The following DIDO1 variants were observed in gnomAD, a reference collection of about 807,000 sequenced individuals.
DIDO1 encodes death inducer-obliterator 1, also known as death-inducer obliterator 1.
DIDO1 carries 16 observed loss-of-function variants against 99.4 expected under a neutral mutation model. The ratio of observed to expected loss-of-function variants is 0.16; its 90% confidence interval spans 0.11 to 0.24. DIDO1 has a LOEUF of 0.24. Among genes scored for constraint, DIDO1 ranks in the 10% least tolerant of loss-of-function variants. The pLI is 1.00. For missense variants in DIDO1, 2,996 were observed against 3,014.0 expected (o/e 0.99, Z 0.14); for synonymous variants, 1,366 against 1,239.1 (o/e 1.10, Z -2.15).
Position 62,894,544 on chromosome 20 carries a change from T to C in DIDO1, c.2441A>G (p.Gln814Arg). ...DSPPVSDSEE[Q>R]QESARAVPEK... The stretch of plus-strand genomic sequence containing the variant: ...AGGGACAGCACGTGCTGACTCTTGC[T>C]GTTCCTAAAAAAGAAAAAGAAAAAA... Residue 814 changes from glutamine to arginine, a missense_variant, in exon 11 of 16, where the codon CAG becomes CGG. By Grantham distance (43) the Gln-to-Arg change is conservative. Around this residue, in one of 5 missense-constraint regions of DIDO1, gnomAD observed 898 missense variants for 972.7 expected, o/e 0.92. Coordinates refer to ENST00000395343, the MANE Select transcript of DIDO1 (RefSeq NM_001193369.2). This position sits in a 1 kb window ranked among gnomAD's most constrained non-coding sequence, Gnocchi z 4.4. 1 of 1,607,470 alleles carries C rather than the reference T, an allele frequency of 6.2e-7. No individual in the cohort carries two copies. Among genetic ancestry groups the C allele is most frequent in the Non-Finnish European group, 8.5e-7 (1 of 1,177,826 alleles).
At chr20:62,890,889 A>T in intron 15 of DIDO1, 71 bp downstream of exon 15, 1 of 1,611,796 alleles carries the variant, frequency 6.2e-7, no homozygotes, top group Non-Finnish European at 8.5e-7. Flanking sequence ...AGGACTCAGC[A>T]GGGCATGTCA....
chr20:62,882,037 C>T lies in DIDO1; in HGVS notation c.3919G>A (p.Ala1307Thr), dbSNP rs1209606108. Residue 1307 changes from alanine to threonine, a missense_variant, in exon 16 of 16, where the codon GCT (alanine) becomes ACT (threonine). By Grantham distance (58) the Ala-to-Thr change is moderately conservative. Transcript: ENST00000395343. ...TCCAGCGGTGATGCTGTTTTGGAAG[C>T]AGACGAAGCGGTGGAGGAAGCTGCC... ...STAASSTASS[A>T]SKTASPLEHI... 6.2e-7 allele frequency: 1 copy of T among 1,613,456 alleles called. No homozygotes were observed. The highest frequency in any genetic ancestry group is 1.7e-5 in the Admixed American group (1 of 60,002).
intron 6 of DIDO1, chr20:62,905,189 T>C (rs183077828): frequency 6.4e-6 from 7 of 1,094,774 alleles, no homozygotes; most frequent in Non-Finnish European, 6.7e-6. Context: ...GCCAGTCACA[T>C]GTAGAATACC....
chr20:62,884,124 C>T (rs958143734), intron 15 of DIDO1, among the ~76,000 whole-genome samples: 8 of 152,164 alleles, frequency 5.3e-5, no homozygotes, highest in Admixed American at 1.3e-4. Context: ...CGTAAAGCAC[C>T]GAGGTGCTCA....
At chr20:62,921,845 C>A in intron 1 of DIDO1, among the ~76,000 whole-genome samples, 1 of 150,118 alleles carries the variant, frequency 6.7e-6, no homozygotes, top group East Asian at 2.0e-4. Context: ...CTATATATAT[C>A]CACTACATAT....
intron 1 of DIDO1, among the ~76,000 whole-genome samples, chr20:62,916,449 A>C (rs368348401): frequency 4.6e-5 from 7 of 152,200 alleles, no homozygotes; most frequent in African/African-American, 1.4e-4. Context: ...TTGTCTCAAG[A>C]CACTTTTACA....
At chr20:62,893,520 A>T in intron 12 of DIDO1, 146 bp downstream of exon 12, 1 of 999,216 alleles carries the variant, frequency 1.0e-6, no homozygotes, top group Non-Finnish European at 1.4e-6. Context: ...AAGGCACCCT[A>T]CAACTGGGGC....
At position 62,894,495 on chromosome 20, in the gene DIDO1, G is replaced by A. The variant is rs779055361; in HGVS notation, c.2490C>T (p.Leu830=). The A allele has an allele frequency of 1.7e-5, 27 of 1,613,214 alleles. No individual in the cohort carries two copies. The highest frequency in any genetic ancestry group is 2.2e-5 in the South Asian group (2 of 91,062). ...AVPEKSTAPL[L]DVFSSMLKDT... The stretch of plus-strand genomic sequence containing the variant: ...CTTTCAACATGCTGCTGAAGACGTC[G>A]AGAAGCGGCGCTGTGCTCTTCTCAG... The change falls in exon 11 of 16, where the codon CTC becomes CTT. Residue 830 remains leucine (L), a synonymous_variant. Transcript: ENST00000395343. This position sits in a 1 kb window ranked among gnomAD's most constrained non-coding sequence, Gnocchi z 4.4.
In DIDO1 at chr20:62,894,320, C is replaced by T; in HGVS notation, c.2572+93G>A. 4.4e-6 allele frequency: 7 copies of T among 1,582,934 alleles called. No homozygotes were observed. Among genetic ancestry groups the T allele is most frequent in the Non-Finnish European group, 6.0e-6 (7 of 1,165,406 alleles). On this transcript the variant is annotated intron_variant, in intron 11 of 15. Transcript: ENST00000395343. This position sits in a 1 kb window ranked among gnomAD's most constrained non-coding sequence, Gnocchi z 4.4. The stretch of plus-strand genomic sequence containing the variant: ...ATTCTGGCCCTTCTGCGTGTTTAAG[C>T]TTACGTGCGGTTGCTTTTAGGAGGT...
chr20:62,886,567 A>G (rs1394975649), intron 15 of DIDO1, among the ~76,000 whole-genome samples: 5 of 152,152 alleles, frequency 3.3e-5, no homozygotes, highest in African/African-American at 1.2e-4. Flanking sequence ...GGCAAAGGGA[A>G]CCACCTGCTT....
Position 62,911,105 on chromosome 20 carries a change from T to G in DIDO1, c.508A>C (p.Arg170=). 6.2e-7 allele frequency: 1 copy of G among 1,614,056 alleles called. No individual in the cohort carries two copies. Among genetic ancestry groups the G allele is most frequent in the Non-Finnish European group, 8.5e-7 (1 of 1,180,036 alleles). ...TLKELQNRLR[R]KREQEPTERP... is the part of the protein sequence containing the mutation. ...TCAGTGGGCTCCTGTTCCCGCTTCC[T>G]GCGAAGGCGATTCTGAAGCTCTTTC... Residue 170 remains arginine, a synonymous_variant, in exon 3 of 16, where the codon AGG becomes CGG. Coordinates refer to ENST00000395343, the MANE Select transcript of DIDO1 (RefSeq NM_001193369.2). This position sits in a 1 kb window ranked among gnomAD's most constrained non-coding sequence, Gnocchi z 7.0.
At chr20:62,918,305 C>T (rs752356993) in intron 1 of DIDO1, among the ~76,000 whole-genome samples, 2 of 152,210 alleles carry the variant, frequency 1.3e-5, no homozygotes, top group Non-Finnish European at 2.9e-5. Context: ...CTCAAGCGTG[C>T]CCACTTCCAG....
upstream of DIDO1, chr20:62,926,602 C>G (rs2065261714): frequency 6.6e-6 from 1 of 152,142 alleles, no homozygotes; most frequent in African/African-American, 2.4e-5. Context: ...GCTGCGAAGC[C>G]CGGCCCCGGA....
At position 62,881,344 on chromosome 20, in the gene DIDO1, C is replaced by G; in HGVS notation, c.4612G>C (p.Glu1538Gln). 6.2e-7 allele frequency: 1 copy of G among 1,605,338 alleles called. No individual in the cohort carries two copies. The highest frequency in any genetic ancestry group is 8.5e-7 in the Non-Finnish European group (1 of 1,179,896). The part of the protein sequence containing the change: ...SLPKAELFQQ[E>Q]QQSADKPASL... ...GCGGGCTTGTCTGCAGACTGCTGCTCTTGCTGGAACAGCTCTGCCTTGGGC... is the reference window on the plus strand; with the variant it reads ...GCGGGCTTGTCTGCAGACTGCTGCTGTTGCTGGAACAGCTCTGCCTTGGGC... Residue 1538 changes from glutamate (E) to glutamine (Q), a missense_variant, in exon 16 of 16, where the codon GAG (glutamate) becomes CAG (glutamine). Physicochemically the swap from Glu to Gln is conservative, Grantham distance 29. This residue lies in a region of DIDO1 where 1,562 missense variants were observed against 1,412.6 expected (regional missense o/e 1.11). Transcript: ENST00000395343. This position sits in a 1 kb window ranked among gnomAD's most constrained non-coding sequence, Gnocchi z 8.3.
chr20:62,886,410 C>CA (rs781757881), intron 15 of DIDO1, among the ~76,000 whole-genome samples: 7 of 152,188 alleles, frequency 4.6e-5, no homozygotes, highest in Non-Finnish European at 8.8e-5. Context: ...GGTCTGGACT[C>CA]AGTGGTCAGA....
intron 4 of DIDO1, among the ~76,000 whole-genome samples, chr20:62,907,757 T>TA (rs2064839861): frequency 6.6e-6 from 1 of 152,234 alleles, no homozygotes; most frequent in African/African-American, 2.4e-5. Flanking sequence ...TGGGTCCGGC[T>TA]AAATCAGGTA....
chr20:62,904,909 G>C, intron 6 of DIDO1: 1 of 875,496 alleles, frequency 1.1e-6, no homozygotes, highest in Non-Finnish European at 1.4e-6. Context: ...CGGGAAAGTG[G>C]GGCACTCTGT....
chr20:62,916,696 TAG>T (rs1491286524), intron 1 of DIDO1, among the ~76,000 whole-genome samples: 7 of 152,168 alleles, frequency 4.6e-5, no homozygotes, highest in South Asian at 4.1e-4. Context: ...TCTGTTCCCA[TAG>T]AGTGTTTCAG....
chr20:62,910,693 T>C, intron 3 of DIDO1, 81 bp downstream of exon 3: 2 of 1,481,330 alleles, frequency 1.4e-6, no homozygotes, highest in Non-Finnish European at 1.8e-6. Context: ...CAGCCCAGCT[T>C]TGTAACCCTT....
Sources: allele counts gnomAD v4.1 joint callset (sites outside exome capture counted in the v4.1 genomes callset), GRCh38; gene constraint gnomAD v4.1.1; regional missense constraint gnomAD v4.1.1; non-coding constraint Gnocchi (gnomAD v3.1); transcripts MANE v1.5; gene names NCBI Gene and HGNC (gene_info 2026-07-23, HGNC 2026-07-21).